The following ADAM9 variants were observed in gnomAD, a reference collection of about 807,000 sequenced individuals.
The protein encoded by ADAM9 is ADAM metallopeptidase domain 9.
Under a neutral mutation model 108.1 loss-of-function variants are expected in ADAM9, and 54 were observed. That is an observed-to-expected ratio of 0.50 (90% CI 0.40 to 0.63). The LOEUF is 0.63. Ranked by LOEUF, ADAM9 falls within the 20% of genes least tolerant of loss-of-function variation. The pLI is 0.00. For synonymous variants in ADAM9, 316 were observed against 336.0 expected, an observed-to-expected ratio of 0.94 and a Z score of 0.65; for missense variants, 830 against 997.7, an observed-to-expected ratio of 0.83 and a Z score of 2.26.
In ADAM9 at chr8:39,014,029, C is replaced by G; in HGVS notation, c.319C>G (p.His107Asp). Residue 107 changes from histidine (H) to aspartate (D), a missense_variant, in exon 4 of 22, where the codon CAT becomes GAT. By Grantham distance (81) the His-to-Asp change is moderately conservative (BLOSUM62 -1). Transcript: ENST00000487273. Reference protein sequence around the residue: ...YNKEGTLITDHPNIQNHCHYR... With the variant: ...YNKEGTLITDDPNIQNHCHYR... ...CAAGGAAGGGACTTTAATCACTGAC[C>G]ATCCCAATATACAGGTAATGTATTT... 1 of 1,612,722 alleles carries G rather than the reference C, an allele frequency of 6.2e-7. No homozygotes were observed.
intron 11 of ADAM9, among the ~76,000 whole-genome samples, chr8:39,037,309 A>G (rs1185269738): frequency 1.4e-5 from 2 of 146,230 alleles, no homozygotes; most frequent in Non-Finnish European, 3.0e-5. Flanking sequence ...TCGGCCTCCC[A>G]AAGTGCTGGG....
In ADAM9 at chr8:39,102,001, T is replaced by G. The variant is rs117751043; in HGVS notation, c.2366+71T>G. ...GGGGTTAATGTCTAATAATTTCCCC[T>G]GTATTTTAATGTAATTTAGTGAAAG... On this transcript the variant is annotated intron_variant, in intron 21 of 21. Coordinates refer to ENST00000487273, the MANE Select transcript of ADAM9 (RefSeq NM_003816.3). 4,173 of 1,232,520 alleles carry G rather than the reference T, an allele frequency of 3.4e-3. 10 individuals are homozygous for G. The highest frequency in any genetic ancestry group is 4.5e-3 in the Non-Finnish European group (3,741 of 837,168). 76.3% of individuals were successfully genotyped at this position (1,232,520 alleles called of 1,614,324 possible).
chr8:39,004,963 G>T (rs989445930), intron 1 of ADAM9, among the ~76,000 whole-genome samples: 1 of 152,124 alleles, frequency 6.6e-6, no homozygotes, highest in Non-Finnish European at 1.5e-5. Flanking sequence ...ATCTTGTACT[G>T]ACCTCCTATC....
chr8:39,031,751 G>A (rs2129435014), intron 11 of ADAM9, among the ~76,000 whole-genome samples: 1 of 152,268 alleles, frequency 6.6e-6, no homozygotes, highest in South Asian at 2.1e-4. Context: ...AGAATTTTCA[G>A]CTTTTCTGCT....
intron 11 of ADAM9, among the ~76,000 whole-genome samples, chr8:39,028,315 A>G (rs952021851): frequency 6.6e-5 from 10 of 152,208 alleles, no homozygotes; most frequent in African/African-American, 2.4e-4. Flanking sequence ...ACTAGGCTCA[A>G]AAATAGATAT....
At chr8:39,036,373 TC>T (rs11313900) in intron 11 of ADAM9, among the ~76,000 whole-genome samples, 77,653 of 151,958 alleles carry the variant, frequency 0.51, 20,173 homozygotes, top group East Asian at 0.76. Context: ...TCTTAAGACT[TC>T]CTAATCCTAG....
At chr8:39,039,807 A>G (rs1837401947) in intron 11 of ADAM9, among the ~76,000 whole-genome samples, 1 of 152,168 alleles carries the variant, frequency 6.6e-6, no homozygotes, top group African/African-American at 2.4e-5. Context: ...GTTTGTTTCC[A>G]TATCTTGGCT....
chr8:39,058,158 A>C (rs1014564230), intron 14 of ADAM9, among the ~76,000 whole-genome samples: 2 of 152,218 alleles, frequency 1.3e-5, no homozygotes, highest in African/African-American at 2.4e-5. Flanking sequence ...TAAATGCTAT[A>C]ATATCAAGTC....
chr8:39,064,231 C>T (rs980792281), intron 14 of ADAM9, among the ~76,000 whole-genome samples: 5 of 152,082 alleles, frequency 3.3e-5, no homozygotes, highest in African/African-American at 4.8e-5. Context: ...ATCAGTGCTA[C>T]GTTAACTTTT....
At chr8:39,005,982 A>G (rs951107072) in intron 1 of ADAM9, among the ~76,000 whole-genome samples, 6 of 152,224 alleles carry the variant, frequency 3.9e-5, no homozygotes, top group Non-Finnish European at 8.8e-5. Context: ...AAATACAGGT[A>G]TGAGTTGGGT....
chr8:39,030,048 T>C (rs1187732743), intron 11 of ADAM9, among the ~76,000 whole-genome samples: 1 of 152,184 alleles, frequency 6.6e-6, no homozygotes, highest in Non-Finnish European at 1.5e-5. Context: ...TCCATTTCAA[T>C]ATCCCTCAAC....
chr8:39,091,412 A>T (rs1323428542), intron 20 of ADAM9, 66 bp downstream of exon 20: 1 of 1,374,758 alleles, frequency 7.3e-7, no homozygotes, highest in African/African-American at 1.4e-5. Context: ...AAGGATTAAA[A>T]ACACAGTTAT....
intron 20 of ADAM9, among the ~76,000 whole-genome samples, chr8:39,100,976 G>A (rs1294917987): frequency 6.6e-6 from 1 of 152,198 alleles, no homozygotes; most frequent in African/African-American, 2.4e-5. Context: ...AGGATATAAT[G>A]AATTCCAAAA....
intron 12 of ADAM9, among the ~76,000 whole-genome samples, chr8:39,044,684 G>A (rs994537946): frequency 6.6e-6 from 1 of 151,980 alleles, no homozygotes. Context: ...TTATGTCCAT[G>A]TGCGCGCATT....
At chr8:39,093,257 T>C (rs1395661786) in intron 20 of ADAM9, among the ~76,000 whole-genome samples, 1 of 152,204 alleles carries the variant, frequency 6.6e-6, no homozygotes, top group Non-Finnish European at 1.5e-5. Flanking sequence ...TGTCTTCAAT[T>C]CCTTTCATCA....
rs565748602 is a variant in ADAM9, at chr8:39,066,991, C to T, written c.1592-4307C>T. On this transcript the variant is annotated intron_variant, in intron 14 of 21. Transcript: ENST00000487273. Reference sequence around the variant, plus strand: ...ATATGGCTAGCCAGTTTTCCCAGCACTATTTATTAAATAGGGAATCCTTTC... The same window carrying T: ...ATATGGCTAGCCAGTTTTCCCAGCATTATTTATTAAATAGGGAATCCTTTC... 1.1e-4 allele frequency among the ~76,000 whole-genome samples: 16 copies of T among 152,284 alleles called. No individual in the cohort carries two copies. The East Asian group carries it at 3.1e-3, about 29-fold the overall frequency.
Position 39,103,876 on chromosome 8 carries a change from A to G in ADAM9, c.*176A>G, listed in dbSNP as rs1408528070. The G allele has an allele frequency of 1.4e-6, 1 of 714,060 alleles. No individual in the cohort carries two copies. Among genetic ancestry groups the G allele is most frequent in the Non-Finnish European group, 2.5e-6 (1 of 397,732 alleles). The allele number at this position is 714,060 out of a possible 1,614,324, so 44.2% of individuals were successfully genotyped here. ...ACTGAGTGTGAGAGTTGTGAAATAC[A>G]AGGAAATGCAGTAAAGCCAGGGAAT... On this transcript the variant is annotated 3_prime_UTR_variant, in exon 22 of 22. Coordinates refer to ENST00000487273, the MANE Select transcript of ADAM9 (RefSeq NM_003816.3).
At chr8:39,071,466 T>A in intron 15 of ADAM9, 63 bp downstream of exon 15, 267 of 89,970 alleles carry the variant, frequency 3.0e-3, no homozygotes, top group East Asian at 7.7e-3. Flanking sequence ...CTCTAGTATC[T>A]TTTTTTTTTT....
chr8:39,089,853 A>T, intron 18 of ADAM9, 194 bp from the exon 19 acceptor site: 1 of 606,234 alleles, frequency 1.6e-6, no homozygotes, highest in East Asian at 3.0e-5. Flanking sequence ...AGAAACTAAT[A>T]AAAGTGGTTA....
Sources: allele counts gnomAD v4.1 joint callset (sites outside exome capture counted in the v4.1 genomes callset), GRCh38; gene constraint gnomAD v4.1.1; transcripts MANE v1.5; gene names NCBI Gene and HGNC (gene_info 2026-07-23, HGNC 2026-07-21).